ARID2: variants seen among roughly 807,000 people sequenced by gnomAD.
The protein encoded by ARID2 is AT-rich interactive domain-containing protein 2.
Under a neutral mutation model 184.6 loss-of-function variants are expected in ARID2, and 32 were observed. The observed-to-expected ratio is 0.17, with a 90% CI of 0.13 to 0.23. The LOEUF (loss-of-function observed/expected upper bound fraction) is 0.23, where lower values mean the gene tolerates loss of function less well. ARID2 is among the 10% of genes least tolerant of loss of function. ARID2 has a pLI of 1.00. For missense variants in ARID2, 1,696 were observed against 2,197.6 expected (o/e 0.77, Z 4.56); for synonymous variants, 836 against 772.6 (o/e 1.08, Z -1.36).
chr12:45,788,388 C>A (rs978344638), intron 3 of ARID2, among the ~76,000 whole-genome samples: 2 of 152,228 alleles, frequency 1.3e-5, no homozygotes, highest in South Asian at 2.1e-4. Context: ...TGATAAATGG[C>A]AGCATTGGGA....
intron 16 of ARID2, among the ~76,000 whole-genome samples, chr12:45,868,959 T>G (rs920963582): frequency 8.5e-5 from 13 of 152,200 alleles, no homozygotes; most frequent in African/African-American, 2.7e-4. Flanking sequence ...GAGTGATGTA[T>G]AAATCAGATT....
At chr12:45,897,824 A>G (rs1417792875) in intron 20 of ARID2, among the ~76,000 whole-genome samples, 1 of 152,158 alleles carries the variant, frequency 6.6e-6, no homozygotes, top group Non-Finnish European at 1.5e-5. Flanking sequence ...TTTTTAGTGT[A>G]CAGTTCTATG....
At chr12:45,809,961 T>C (rs766356159) in intron 3 of ARID2, among the ~76,000 whole-genome samples, 2 of 152,226 alleles carry the variant, frequency 1.3e-5, no homozygotes, top group Non-Finnish European at 2.9e-5. Context: ...TACATGTTCA[T>C]TGATACCCAC....
At chr12:45,861,854 T>G (rs1943755314) in intron 16 of ARID2, among the ~76,000 whole-genome samples, 1 of 152,126 alleles carries the variant, frequency 6.6e-6, no homozygotes. Context: ...ACTACAAGCG[T>G]AAGCTACTAA....
At chr12:45,882,884 CAT>C (rs2138219755) in intron 16 of ARID2, among the ~76,000 whole-genome samples, 1 of 152,286 alleles carries the variant, frequency 6.6e-6, no homozygotes, top group East Asian at 1.9e-4. Flanking sequence ...TTTTAACTAA[CAT>C]ATTTTTGACT....
chr12:45,797,820 C>T (rs1942418213), intron 3 of ARID2, among the ~76,000 whole-genome samples: 1 of 151,726 alleles, frequency 6.6e-6, no homozygotes, highest in Non-Finnish European at 1.5e-5. Context: ...CTTTTTATAT[C>T]AGAGAATTAT....
intron 3 of ARID2, among the ~76,000 whole-genome samples, chr12:45,808,849 C>T (rs1263183156): frequency 2.6e-5 from 4 of 152,104 alleles, no homozygotes; most frequent in East Asian, 3.9e-4. Flanking sequence ...ACTGTAACCT[C>T]GGCCTCCCAG....
intron 5 of ARID2, among the ~76,000 whole-genome samples, chr12:45,820,771 T>C (rs959115046): frequency 6.6e-6 from 1 of 152,184 alleles, no homozygotes; most frequent in African/African-American, 2.4e-5. Context: ...GATGTACTTA[T>C]CTATGTGCCT....
chr12:45,782,402 T>C (rs533817466), intron 3 of ARID2, among the ~76,000 whole-genome samples: 1 of 151,450 alleles, frequency 6.6e-6, no homozygotes, highest in South Asian at 2.1e-4. Flanking sequence ...GAGGCCGAGG[T>C]GGATGGATCA....
intron 3 of ARID2, among the ~76,000 whole-genome samples, chr12:45,774,078 G>A (rs926837951): frequency 6.6e-6 from 1 of 151,994 alleles, no homozygotes; most frequent in Non-Finnish European, 1.5e-5. Context: ...AAAAGACATT[G>A]TATTGCCTGA....
At chr12:45,788,869 T>C (rs1942242629) in intron 3 of ARID2, among the ~76,000 whole-genome samples, 4 of 152,230 alleles carry the variant, frequency 2.6e-5, no homozygotes, top group Admixed American at 2.6e-4. Context: ...AGATCATGTG[T>C]ATTAAATAAA....
chr12:45,906,057 T>A lies in ARID2; in HGVS notation c.*979T>A, dbSNP rs73292551. 3.9e-3 allele frequency: 909 copies of A among 231,984 alleles called. 8 individuals are homozygous for A. The highest frequency in any genetic ancestry group is 0.019 in the African/African-American group (855 of 45,250). 14.4% of individuals were successfully genotyped at this position (231,984 alleles called of 1,614,324 possible). On this transcript the variant is annotated 3_prime_UTR_variant, in exon 21 of 21. Transcript: ENST00000334344. ...TTTTAGAAGAAAAACTATTTGAAGG[T>A]ATTTTTTGGTTTTCCTTAACATGTA...
intron 4 of ARID2, 44 bp downstream of exon 4, chr12:45,811,595 G>T (rs1287210308): frequency 1.9e-6 from 3 of 1,595,336 alleles, no homozygotes; most frequent in South Asian, 1.1e-5. Flanking sequence ...CCGCAGTTTT[G>T]AATTAGGAAA....
chr12:45,863,265 A>C (rs1236487187), intron 16 of ARID2, among the ~76,000 whole-genome samples: 2 of 152,248 alleles, frequency 1.3e-5, no homozygotes, highest in African/African-American at 4.8e-5. Context: ...TTGTATGTCC[A>C]GGAAACTGTG....
At chr12:45,864,935 GT>G (rs1404719851) in intron 16 of ARID2, among the ~76,000 whole-genome samples, 3 of 152,102 alleles carry the variant, frequency 2.0e-5, no homozygotes, top group Non-Finnish European at 4.4e-5. Context: ...CCCTGCAAAA[GT>G]TACCATGAGG....
intron 3 of ARID2, among the ~76,000 whole-genome samples, chr12:45,801,189 G>C (rs1287528191): frequency 6.6e-6 from 1 of 152,004 alleles, no homozygotes; most frequent in African/African-American, 2.4e-5. Flanking sequence ...GTAGGCGCCC[G>C]TAGTCGCAGC....
At position 45,780,680 on chromosome 12, in the gene ARID2, G is replaced by A. The variant is rs930772595; in HGVS notation, c.285-30738G>A. On this transcript the variant is annotated intron_variant, in intron 3 of 20. Transcript: ENST00000334344. Reference sequence around the variant, plus strand: ...ATTGCCTAGGCTGGGGTGCAATGGCGTGATCTCGGCTCACTGCAACCTCTG... The same window carrying A: ...ATTGCCTAGGCTGGGGTGCAATGGCATGATCTCGGCTCACTGCAACCTCTG... Among the ~76,000 whole-genome samples, 5 of 152,110 alleles carry A rather than the reference G, an allele frequency of 3.3e-5. 1 individual carries two copies. Among genetic ancestry groups the A allele is most frequent in the East Asian group, 1.9e-4 (1 of 5,178 alleles).
chr12:45,823,855 A>G (rs571684013), intron 6 of ARID2, among the ~76,000 whole-genome samples: 48 of 152,140 alleles, frequency 3.2e-4, no homozygotes, highest in Non-Finnish European at 6.0e-4. Context: ...TTCCAAACTT[A>G]TAAAGAAGAA....
At chr12:45,805,267 C>G (rs1471533383) in intron 3 of ARID2, among the ~76,000 whole-genome samples, 1 of 151,748 alleles carries the variant, frequency 6.6e-6, no homozygotes, top group Non-Finnish European at 1.5e-5. Flanking sequence ...GTGTTAGGCA[C>G]TTGAAAAAAA....
Sources: allele counts gnomAD v4.1 joint callset (sites outside exome capture counted in the v4.1 genomes callset), GRCh38; gene constraint gnomAD v4.1.1; transcripts MANE v1.5; gene names NCBI Gene and HGNC (gene_info 2026-07-23, HGNC 2026-07-21).